The following EEF2 variants were observed in gnomAD, a reference collection of about 807,000 sequenced individuals.
The protein encoded by EEF2 is eukaryotic translation elongation factor 2.
A neutral mutation model predicts 85.3 loss-of-function variants in EEF2; 21 were observed. The observed-to-expected ratio is 0.25, with a 90% CI of 0.17 to 0.35. The LOEUF is 0.35. EEF2 is among the 10% of genes least tolerant of loss of function. The probability of loss-of-function intolerance (pLI) is 1.00; values close to 1 mark genes in which losing one functional copy is unlikely to be tolerated. For synonymous variants in EEF2, 723 were observed against 508.8 expected (o/e 1.42, Z -5.67); for missense variants, 825 against 1,225.3 (o/e 0.67, Z 4.88).
Position 3,977,063 on chromosome 19 carries a change from G to C in EEF2, c.2383+152C>G, listed in dbSNP as rs2039687632. 2.6e-6 allele frequency: 3 copies of C among 1,173,504 alleles called. No homozygotes were observed. The highest frequency in any genetic ancestry group is 1.5e-5 in the African/African-American group (1 of 64,642). The allele number at this position is 1,173,504 out of a possible 1,614,324, so 72.7% of individuals were successfully genotyped here. A position where few individuals can be genotyped will look rare whatever the true frequency, so the allele number is the denominator to read the frequency against. ...CCCCTGGGAATTCAGTGATTTAGGG[G>C]GTCCACAAGCTGTCAGAAACTGGAC... On this transcript the variant is annotated intron_variant, in intron 14 of 14. Coordinates refer to ENST00000309311, the MANE Select transcript of EEF2 (RefSeq NM_001961.4). The surrounding 1 kb of genome is among the most constrained non-coding windows in gnomAD (Gnocchi z 5.4).
At chr19:3,981,124 G>C in intron 7 of EEF2, 145 bp from the exon 8 acceptor site, 1 of 1,356,194 alleles carries the variant, frequency 7.4e-7, no homozygotes, top group East Asian at 2.5e-5. Context: ...GGCGGCAAAG[G>C]CCATGCACAC....
At chr19:3,978,517 C>A (rs970598795) in intron 11 of EEF2, among the ~76,000 whole-genome samples, 1 of 151,976 alleles carries the variant, frequency 6.6e-6, no homozygotes, top group Non-Finnish European at 1.5e-5. Context: ...TCAAAAACTG[C>A]CCCGGAGGCC....
chr19:3,985,231 G>A (rs919648553), intron 1 of EEF2, 147 bp downstream of exon 1: 14 of 886,674 alleles, frequency 1.6e-5, no homozygotes, highest in South Asian at 3.5e-5. Context: ...CATGGCGGCG[G>A]CCGCTTCCCC....
In EEF2 at chr19:3,977,703, C is replaced by G; in HGVS notation, c.2068-93G>C. The stretch of plus-strand genomic sequence containing the variant: ...GTCCTGCAGGTCTCCACCAGGGGGA[C>G]CTGGGGCCTTGCCCGCCTTGGCCCC... On this transcript the variant is annotated intron_variant, in intron 12 of 14. Transcript: ENST00000309311. The surrounding 1 kb of genome is among the most constrained non-coding windows in gnomAD (Gnocchi z 5.4). 2 of 1,480,704 alleles carry G rather than the reference C, an allele frequency of 1.4e-6. No homozygotes were observed. Among genetic ancestry groups the G allele is most frequent in the Non-Finnish European group, 1.8e-6 (2 of 1,120,206 alleles). 91.7% of individuals were successfully genotyped at this position (1,480,704 alleles called of 1,614,324 possible). A position where few individuals can be genotyped will look rare whatever the true frequency, so the allele number is the denominator to read the frequency against.
At chr19:3,981,793 T>A (rs1028009356) in intron 6 of EEF2, among the ~76,000 whole-genome samples, 154 bp downstream of exon 6, 1 of 152,252 alleles carries the variant, frequency 6.6e-6, no homozygotes, top group Non-Finnish European at 1.5e-5. Flanking sequence ...AGAGGAGCCC[T>A]GACTCCACCT....
intron 11 of EEF2, among the ~76,000 whole-genome samples, chr19:3,978,820 A>AT (rs2039708746): frequency 2.9e-5 from 4 of 138,242 alleles, no homozygotes; most frequent in Non-Finnish European, 4.7e-5. Context: ...AAAAAAAAAA[A>AT]AAAAAAAAAA....
chr19:3,976,205 A>C lies in EEF2; in HGVS notation c.*349T>G, dbSNP rs951680472. The C allele has an allele frequency of 1.1e-5, 3 of 269,862 alleles. No homozygotes were observed. In the Admixed American group the frequency reaches 1.5e-4, roughly 14 times the overall value. The allele number at this position is 269,862 out of a possible 1,614,324, so 16.7% of individuals were successfully genotyped here. ...GGGCAAAAGCCACTGCGGGCCATGTACCCAAATAAACCTCTTAATGCGTTT... is the reference window on the plus strand; with the variant it reads ...GGGCAAAAGCCACTGCGGGCCATGTCCCCAAATAAACCTCTTAATGCGTTT... On this transcript the variant is annotated 3_prime_UTR_variant, in exon 15 of 15. Coordinates refer to ENST00000309311, the MANE Select transcript of EEF2 (RefSeq NM_001961.4).
intron 7 of EEF2, among the ~76,000 whole-genome samples, 161 bp from the exon 8 acceptor site, chr19:3,981,140 C>G (rs1453753716): frequency 2.0e-5 from 3 of 152,256 alleles, no homozygotes; most frequent in Non-Finnish European, 4.4e-5. Flanking sequence ...CACACTCCTG[C>G]CAAGGCCCTC....
chr19:3,981,288 G>T (rs781315738), intron 7 of EEF2, 51 bp downstream of exon 7: 3 of 1,568,400 alleles, frequency 1.9e-6, no homozygotes, highest in Non-Finnish European at 1.8e-6. Context: ...AGAGCATCCG[G>T]AAACAGCAGC....
In EEF2 at chr19:3,976,583, C is replaced by A. The variant is rs772708961; in HGVS notation, c.2548G>T (p.Ala850Ser). 3.1e-6 allele frequency: 5 copies of A among 1,609,892 alleles called. No individual in the cohort carries two copies. Among genetic ancestry groups the A allele is most frequent in the Non-Finnish European group, 4.2e-6 (5 of 1,178,360 alleles). The change falls in exon 15 of 15, where the codon GCC (alanine) becomes TCC (serine). Residue 850 changes from alanine to serine, a missense_variant. By Grantham distance (99) the Ala-to-Ser change is moderately conservative. Coordinates refer to ENST00000309311, the MANE Select transcript of EEF2 (RefSeq NM_001961.4). ...KRKGLKEGIP[A>S]LDNFLDKL ...AATTTGTCCAGGAAGTTGTCCAGGG[C>A]AGGGATGCCTTCTTTCAGGCCCTTG... is the stretch of plus-strand genomic sequence containing the variant.
At chr19:3,982,561 G>C (rs780714168) in intron 4 of EEF2, 137 bp from the exon 5 acceptor site, 1 of 1,252,042 alleles carries the variant, frequency 8.0e-7, no homozygotes, top group Non-Finnish European at 1.2e-6. Flanking sequence ...GAAATGATCA[G>C]TCATCACGAA....
At position 3,982,014 on chromosome 19, in the gene EEF2, G is replaced by A. The variant is rs1402588341; in HGVS notation, c.830C>T (p.Ala277Val). 5 of 1,614,186 alleles carry A rather than the reference G, an allele frequency of 3.1e-6. No homozygotes were observed. Among genetic ancestry groups the A allele is most frequent in the East Asian group, 2.2e-5 (1 of 44,880 alleles). Residue 277 changes from alanine to valine, a missense_variant, in exon 6 of 15, where the codon GCC (alanine) becomes GTC (valine). Transcript: ENST00000309311. Reference sequence around the variant, plus strand: ...CAGCTTCTTCCCTTCGGGGCTGGTGGCTGACTTGCTGAACTTGCCGTTGGC... The same window carrying A: ...CAGCTTCTTCCCTTCGGGGCTGGTGACTGACTTGCTGAACTTGCCGTTGGC... ...DPANGKFSKSATSPEGKKLPR... is the reference protein window; with the variant it reads ...DPANGKFSKSVTSPEGKKLPR...
In EEF2 at chr19:3,979,676, C is replaced by T. The variant is rs1008366358; in HGVS notation, c.1605+132G>A. The T allele has an allele frequency of 1.1e-5, 16 of 1,394,334 alleles. No individual in the cohort carries two copies. The Admixed American group carries it at 2.9e-4, about 25-fold the overall frequency. 86.4% of individuals were successfully genotyped at this position (1,394,334 alleles called of 1,614,324 possible). The stretch of plus-strand genomic sequence containing the variant: ...GGGCAGGAGTCTCCATTTACAGCCA[C>T]AGCCAAGAACCCCTCCTTTCATGAC... On this transcript the variant is annotated intron_variant, in intron 10 of 14. Coordinates refer to ENST00000309311, the MANE Select transcript of EEF2 (RefSeq NM_001961.4).
chr19:3,983,417 G>A (rs182761699), intron 2 of EEF2, 126 bp from the exon 3 acceptor site: 7 of 1,026,590 alleles, frequency 6.8e-6, no homozygotes, highest in African/African-American at 4.9e-5. Flanking sequence ...TCCCACAAGA[G>A]CCAACCCACC....
At chr19:3,978,876 C>T (rs894066635) in intron 11 of EEF2, among the ~76,000 whole-genome samples, 1 of 146,342 alleles carries the variant, frequency 6.8e-6, no homozygotes, top group Admixed American at 7.0e-5. Context: ...AATCCCAGCA[C>T]TTTGGGAGGC....
chr19:3,983,492 A>G lies in EEF2; in HGVS notation c.219-201T>C, dbSNP rs939626279. Among the ~76,000 whole-genome samples, 42 of 152,084 alleles carry G rather than the reference A, an allele frequency of 2.8e-4. 2 individuals carry two copies. In the South Asian group the frequency reaches 5.0e-3, roughly 18 times the overall value. On this transcript the variant is annotated intron_variant, in intron 2 of 14. Transcript: ENST00000309311. ...ACAGGGAACTCCTGGTACCAGCCCC[A>G]TAGCCAGATCCTCAGAGCCCTCCTG...
rs1184212044 is a variant in EEF2, at chr19:3,982,247, T to G, written c.790A>C (p.Arg264=). 1.2e-6 allele frequency: 2 copies of G among 1,614,022 alleles called. No individual in the cohort carries two copies. Among genetic ancestry groups the G allele is most frequent in the Admixed American group, 3.3e-5 (2 of 60,008 alleles). Residue 264 remains arginine (R), a splice_region_variant and synonymous_variant, in exon 5 of 15, where the codon AGG becomes CGG. Coordinates refer to ENST00000309311, the MANE Select transcript of EEF2 (RefSeq NM_001961.4). The stretch of plus-strand genomic sequence containing the variant: ...CCCACCATATCCCGCGGGGCTCACC[T>G]GTCACCCCACAGCTTCTTCATCATG... ...EDMMKKLWGD[R]YFDPANGKFS...
intron 7 of EEF2, 72 bp from the exon 8 acceptor site, chr19:3,981,051 C>A: frequency 6.6e-7 from 1 of 1,506,770 alleles, no homozygotes; most frequent in Non-Finnish European, 8.8e-7. Flanking sequence ...CACGCTTCCT[C>A]TCTTGAAGCC....
At position 3,981,450 on chromosome 19, in the gene EEF2, C is replaced by T. The variant is rs752916969; in HGVS notation, c.900G>A (p.Val300=). 1.9e-6 allele frequency: 3 copies of T among 1,613,228 alleles called. No homozygotes were observed. The highest frequency in any genetic ancestry group is 2.5e-6 in the Non-Finnish European group (3 of 1,179,538). The change falls in exon 7 of 15, where the codon GTG becomes GTA. Residue 300 remains valine, a splice_region_variant and synonymous_variant. Coordinates refer to ENST00000309311, the MANE Select transcript of EEF2 (RefSeq NM_001961.4). ...TCTTGAAATTCATGATCGCATCAAA[C>T]ACCTACATTCCCCACCAAGAAACAA... The part of the protein sequence containing the change: ...CQLILDPIFK[V]FDAIMNFKKE...
Sources: gnomAD v4.1 joint callset for allele counts (sites outside exome capture counted in the v4.1 genomes callset) on GRCh38, gnomAD v4.1.1 for gene constraint, Gnocchi (gnomAD v3.1) non-coding constraint, MANE v1.5 for transcripts, NCBI Gene and HGNC (gene_info 2026-07-23, HGNC 2026-07-21) for gene names.